Variants in SLC30A6 observed in about 807,000 individuals in gnomAD.
The protein encoded by SLC30A6 is zinc transporter 6.
SLC30A6 carries 55 observed loss-of-function variants against 63.0 expected under a neutral mutation model. The observed-to-expected ratio is 0.87, with a 90% CI of 0.70 to 1.09. The LOEUF (loss-of-function observed/expected upper bound fraction) is 1.09. SLC30A6 is among the 50% of genes least tolerant of loss of function. The probability of loss-of-function intolerance (pLI) is 0.00; values close to 1 mark genes in which losing one functional copy is unlikely to be tolerated. For synonymous variants in SLC30A6, 224 were observed against 186.1 expected (o/e 1.20, Z -1.66); for missense variants, 587 against 549.2 (o/e 1.07, Z -0.69).
In SLC30A6 at chr2:32,209,496, T is replaced by G; in HGVS notation, c.820T>G (p.Ser274Ala). 6.2e-7 allele frequency: 1 copy of G among 1,609,270 alleles called. No homozygotes were observed. Among genetic ancestry groups the G allele is most frequent in the Non-Finnish European group, 8.5e-7 (1 of 1,178,734 alleles). ...GQLDKLIREVSTLDGVLEVRN... is the reference protein window; with the variant it reads ...GQLDKLIREVATLDGVLEVRN... ...CACCTCTTTCTGTTTTTGGTAGGTATCTACCTTAGATGGAGTTTTAGAAGT... is the reference window on the plus strand; with the variant it reads ...CACCTCTTTCTGTTTTTGGTAGGTAGCTACCTTAGATGGAGTTTTAGAAGT... The change falls in exon 13 of 14, where the codon TCT becomes GCT. Residue 274 changes from serine to alanine, a missense_variant. Ser to Ala is a moderately conservative substitution (Grantham distance 99). Coordinates refer to ENST00000282587, the MANE Select transcript of SLC30A6 (RefSeq NM_017964.5).
chr2:32,184,305 C>A lies in SLC30A6; in HGVS notation c.251C>A (p.Thr84Lys). 1 of 1,553,466 alleles carries A rather than the reference C, an allele frequency of 6.4e-7. No individual in the cohort carries two copies. The highest frequency in any genetic ancestry group is 8.7e-7 in the Non-Finnish European group (1 of 1,146,486). ...LMTCLISYWV[T>K]LRKPSPVYSF... ...ACATGTTTAATAAGTTACTGGGTAA[C>A]ATTGAGGAAACCTAGCCCTGTCTAT... Residue 84 changes from threonine (T) to lysine (K), a missense_variant, in exon 5 of 14, where the codon ACA (threonine) becomes AAA (lysine). Coordinates refer to ENST00000282587, the MANE Select transcript of SLC30A6 (RefSeq NM_017964.5).
intron 7 of SLC30A6, among the ~76,000 whole-genome samples, chr2:32,193,409 C>CA (rs1358482230): frequency 6.7e-6 from 1 of 149,918 alleles, no homozygotes; most frequent in Non-Finnish European, 1.5e-5. Context: ...ACCCTGTCTC[C>CA]AAAAAAAAGA....
rs1313420523 is a variant in SLC30A6, at chr2:32,197,760, C to G, written c.599C>G (p.Pro200Arg). The G allele has an allele frequency of 1.2e-6, 2 of 1,613,912 alleles. No individual in the cohort carries two copies. The highest frequency in any genetic ancestry group is 1.7e-6 in the Non-Finnish European group (2 of 1,179,970). The change falls in exon 10 of 14, where the codon CCA becomes CGA. Residue 200 changes from proline (P) to arginine (R), a missense_variant. Coordinates refer to ENST00000282587, the MANE Select transcript of SLC30A6 (RefSeq NM_017964.5). ...LSSIFLPRMNPFVLIDLAGAF... is the reference protein window; with the variant it reads ...LSSIFLPRMNRFVLIDLAGAF... The stretch of plus-strand genomic sequence containing the variant: ...AGTATCTTCCTTCCCCGAATGAATC[C>G]ATTTGTTTTGATTGATCTTGCTGGA...
intron 11 of SLC30A6, among the ~76,000 whole-genome samples, chr2:32,206,623 C>G (rs933311798): frequency 3.3e-5 from 5 of 152,074 alleles, no homozygotes; most frequent in Non-Finnish European, 7.4e-5. Flanking sequence ...AACCATTTCC[C>G]AAAGATTTTT....
intron 4 of SLC30A6, among the ~76,000 whole-genome samples, chr2:32,181,007 C>A (rs993426310): frequency 6.6e-6 from 1 of 152,064 alleles, no homozygotes; most frequent in Non-Finnish European, 1.5e-5. Flanking sequence ...TCACTAATAT[C>A]CAAACACAGA....
intron 5 of SLC30A6, among the ~76,000 whole-genome samples, chr2:32,186,776 C>T (rs1682857192): frequency 6.6e-6 from 1 of 151,508 alleles, no homozygotes. Flanking sequence ...GGTGGTCGAT[C>T]ACTTGAGTTT....
intron 4 of SLC30A6, among the ~76,000 whole-genome samples, chr2:32,178,690 A>G (rs1682013403): frequency 6.6e-6 from 1 of 152,128 alleles, no homozygotes; most frequent in Admixed American, 6.5e-5. Context: ...AAAACAAAAC[A>G]ACAACAACAA....
At chr2:32,183,554 G>A (rs1397491578) in intron 4 of SLC30A6, among the ~76,000 whole-genome samples, 1 of 151,812 alleles carries the variant, frequency 6.6e-6, no homozygotes, top group East Asian at 1.9e-4. Context: ...CGGGCATGGT[G>A]GTGCATGCCT....
intron 10 of SLC30A6, chr2:32,203,904 T>G: frequency 1.1e-6 from 1 of 888,206 alleles, no homozygotes; most frequent in South Asian, 1.4e-5. Flanking sequence ...TTAGACAGAG[T>G]CCACAAGGGA....
chr2:32,202,386 C>T, intron 10 of SLC30A6: 1 of 279,938 alleles, frequency 3.6e-6, no homozygotes, highest in Non-Finnish European at 6.8e-6. Context: ...CTCTGTCGCC[C>T]AGGCTGGATC....
chr2:32,187,794 C>T (rs983842356), intron 5 of SLC30A6, among the ~76,000 whole-genome samples: 7 of 152,170 alleles, frequency 4.6e-5, no homozygotes, highest in African/African-American at 9.7e-5. Context: ...CTGGGAATTT[C>T]TGTTGATTAC....
intron 10 of SLC30A6, among the ~76,000 whole-genome samples, chr2:32,199,633 ATAG>A (rs1441474404): frequency 1.3e-5 from 2 of 152,152 alleles, no homozygotes; most frequent in Non-Finnish European, 2.9e-5. Context: ...TTGCTATCAA[ATAG>A]TAGATTTTAT....
At chr2:32,177,074 ACAATATTTTCCTTGTCT>A (rs908804839) in intron 4 of SLC30A6, among the ~76,000 whole-genome samples, 3 of 151,998 alleles carry the variant, frequency 2.0e-5, no homozygotes, top group African/African-American at 7.2e-5. Flanking sequence ...CGCCTGACCT[ACAATATTTTCCTTGTCT>A]CAAAAAGAGA....
intron 13 of SLC30A6, among the ~76,000 whole-genome samples, chr2:32,216,507 G>C (rs1685715086): frequency 6.6e-6 from 1 of 151,338 alleles, no homozygotes; most frequent in Non-Finnish European, 1.5e-5. Flanking sequence ...CTGCACTCCA[G>C]CCTGGGCAAG....
chr2:32,205,042 G>C (rs1684627871), intron 11 of SLC30A6, among the ~76,000 whole-genome samples: 1 of 151,842 alleles, frequency 6.6e-6, no homozygotes, highest in Non-Finnish European at 1.5e-5. Flanking sequence ...CAAACTCCTG[G>C]GCTCAAATGA....
intron 8 of SLC30A6, among the ~76,000 whole-genome samples, chr2:32,195,103 T>TA (rs1683664802): frequency 6.7e-6 from 1 of 149,914 alleles, no homozygotes; most frequent in African/African-American, 2.4e-5. Flanking sequence ...GCCTGGCTTT[T>TA]TTTTTTTTTT....
At chr2:32,203,572 C>T (rs1684481853) in intron 10 of SLC30A6, 2 of 1,600,508 alleles carry the variant, frequency 1.2e-6, no homozygotes, top group African/African-American at 1.3e-5. Context: ...GACCATGACT[C>T]TGGAAAGCCT....
chr2:32,173,116 A>G (rs1355813837), intron 2 of SLC30A6, among the ~76,000 whole-genome samples: 2 of 152,120 alleles, frequency 1.3e-5, no homozygotes, highest in African/African-American at 4.8e-5. Context: ...TCGTAATTAC[A>G]TGTTATAAGT....
intron 4 of SLC30A6, among the ~76,000 whole-genome samples, chr2:32,178,101 C>G (rs530078979): frequency 6.6e-6 from 1 of 152,006 alleles, no homozygotes; most frequent in Admixed American, 6.5e-5. Flanking sequence ...GCACCCGCCA[C>G]CACGCTTGGC....
Sources: allele counts gnomAD v4.1 joint callset (sites outside exome capture counted in the v4.1 genomes callset), GRCh38; gene constraint gnomAD v4.1.1; transcripts MANE v1.5; gene names NCBI Gene and HGNC (gene_info 2026-07-23, HGNC 2026-07-21).